PXDNL: variants seen among roughly 807,000 people sequenced by gnomAD.
PXDNL encodes probable oxidoreductase PXDNL.
PXDNL carries 145 observed loss-of-function variants against 150.8 expected under a neutral mutation model. That is an observed-to-expected ratio of 0.96 (90% CI 0.84 to 1.10). The LOEUF is 1.10. PXDNL is among the 50% of genes least tolerant of loss of function. The probability of loss-of-function intolerance (pLI) is 0.00; values close to 1 mark genes in which losing one functional copy is unlikely to be tolerated. For synonymous variants in PXDNL, 757 were observed against 725.7 expected, an observed-to-expected ratio of 1.04 and a Z score of -0.69; for missense variants, 2,087 against 1,873.9, an observed-to-expected ratio of 1.11 and a Z score of -2.10.
chr8:51,748,887 T>C (rs935130458), intron 1 of PXDNL, among the ~76,000 whole-genome samples: 9 of 152,124 alleles, frequency 5.9e-5, no homozygotes, highest in Non-Finnish European at 1.2e-4. Flanking sequence ...TTTTCAAAAT[T>C]AGGACACTAA....
At chr8:51,730,870 TACTC>T (rs530258993) in intron 1 of PXDNL, among the ~76,000 whole-genome samples, 3 of 152,096 alleles carry the variant, frequency 2.0e-5, no homozygotes, top group Admixed American at 6.5e-5. Flanking sequence ...TCATGAGACT[TACTC>T]ACTATCACAA....
chr8:51,772,443 C>G (rs1310224754), intron 1 of PXDNL, among the ~76,000 whole-genome samples: 1 of 152,048 alleles, frequency 6.6e-6, no homozygotes, highest in Non-Finnish European at 1.5e-5. Flanking sequence ...GGTGGGAGAG[C>G]CTGGAGCCAG....
chr8:51,709,363 TC>T (rs1339998253), intron 1 of PXDNL, among the ~76,000 whole-genome samples: 1 of 151,918 alleles, frequency 6.6e-6, no homozygotes, highest in East Asian at 1.9e-4. Flanking sequence ...CACGCCATTC[TC>T]CCGCCTCAGC....
At chr8:51,325,689 C>T (rs973536124) in intron 21 of PXDNL, among the ~76,000 whole-genome samples, 2 of 152,160 alleles carry the variant, frequency 1.3e-5, no homozygotes, top group African/African-American at 2.4e-5. Context: ...TGGGTTAGGA[C>T]GGAAGCCCAG....
intron 1 of PXDNL, among the ~76,000 whole-genome samples, chr8:51,685,836 A>G (rs914560781): frequency 1.3e-5 from 2 of 152,120 alleles, no homozygotes; most frequent in Non-Finnish European, 2.9e-5. Context: ...ATATTGGCAT[A>G]TTGTTATGTT....
At chr8:51,612,322 C>T (rs1239871865) in intron 2 of PXDNL, among the ~76,000 whole-genome samples, 5 of 152,188 alleles carry the variant, frequency 3.3e-5, no homozygotes, top group African/African-American at 7.2e-5. Flanking sequence ...AGGAGAAAGG[C>T]GAGTAAAATT....
chr8:51,434,015 T>C (rs981210002), intron 12 of PXDNL, among the ~76,000 whole-genome samples: 2 of 152,204 alleles, frequency 1.3e-5, no homozygotes, highest in African/African-American at 4.8e-5. Flanking sequence ...ATCTCAGCTC[T>C]TTTAAGATTT....
intron 4 of PXDNL, among the ~76,000 whole-genome samples, chr8:51,534,321 C>T (rs1239573965): frequency 2.0e-5 from 3 of 146,410 alleles, no homozygotes; most frequent in African/African-American, 5.3e-5. Context: ...GGAGCGTCTA[C>T]GCCCGGCAGC....
chr8:51,572,881 G>T (rs1472921857), intron 3 of PXDNL, among the ~76,000 whole-genome samples: 1 of 151,666 alleles, frequency 6.6e-6, no homozygotes, highest in East Asian at 1.9e-4. Context: ...TAGAAATCTT[G>T]GACATTACAT....
At chr8:51,611,695 G>T (rs1273237347) in intron 2 of PXDNL, among the ~76,000 whole-genome samples, 1 of 152,222 alleles carries the variant, frequency 6.6e-6, no homozygotes, top group Admixed American at 6.5e-5. Context: ...CTGGAGGAGG[G>T]GTGGGAATTG....
chr8:51,743,053 C>A (rs1189078297), intron 1 of PXDNL, among the ~76,000 whole-genome samples: 1 of 152,146 alleles, frequency 6.6e-6, no homozygotes, highest in East Asian at 1.9e-4. Context: ...TGCAGAAGGG[C>A]AAAGGGACAC....
chr8:51,369,800 G>T (rs1467835544), intron 19 of PXDNL, among the ~76,000 whole-genome samples: 3 of 152,208 alleles, frequency 2.0e-5, no homozygotes, highest in African/African-American at 7.2e-5. Context: ...TAAGAACGCT[G>T]CACAAACTCA....
At chr8:51,795,760 C>A (rs2037553823) in intron 1 of PXDNL, among the ~76,000 whole-genome samples, 3 of 152,212 alleles carry the variant, frequency 2.0e-5, no homozygotes, top group Non-Finnish European at 4.4e-5. Context: ...CACAGATACT[C>A]TGCTTTGCCA....
chr8:51,426,817 C>A lies in PXDNL; in HGVS notation c.1526-59G>T, dbSNP rs80165530. 5,998 of 981,596 alleles carry A rather than the reference C, an allele frequency of 6.1e-3. 227 individuals are homozygous for A. In the African/African-American group the frequency reaches 0.083, roughly 14 times the overall value. The allele number at this position is 981,596 out of a possible 1,614,324, so 60.8% of individuals were successfully genotyped here. ...ATAATATCATTTTTGTCAACATATG[C>A]CAGCTGAGTCAAAGGTATGAACCTG... On this transcript the variant is annotated intron_variant, in intron 12 of 22. Transcript: ENST00000356297.
intron 4 of PXDNL, among the ~76,000 whole-genome samples, chr8:51,514,444 G>A (rs1288106334): frequency 1.3e-5 from 2 of 152,114 alleles, no homozygotes; most frequent in Admixed American, 1.3e-4. Context: ...CTTTCCAAAT[G>A]CAACATTTAA....
intron 5 of PXDNL, among the ~76,000 whole-genome samples, chr8:51,485,675 C>G (rs1469589525): frequency 6.6e-6 from 1 of 152,202 alleles, no homozygotes; most frequent in African/African-American, 2.4e-5. Flanking sequence ...CCTGGGCTAT[C>G]AACTCCCACT....
At chr8:51,682,821 A>G (rs965073479) in intron 1 of PXDNL, among the ~76,000 whole-genome samples, 5 of 151,986 alleles carry the variant, frequency 3.3e-5, no homozygotes, top group African/African-American at 1.2e-4. Context: ...GCATTTCCCG[A>G]AGGGCTTGTT....
At position 51,567,261 on chromosome 8, in the gene PXDNL, G is replaced by A. The variant is rs190734959; in HGVS notation, c.309-10350C>T. Among the ~76,000 whole-genome samples, 4 of 151,820 alleles carry A rather than the reference G, an allele frequency of 2.6e-5. No homozygotes were observed. The East Asian group carries it at 7.8e-4, about 30-fold the overall frequency. ...GACTGTGTATTTCTGTTGTCACTGGGTGGAGTATTTTACAAATTTCAATTA... is the reference window on the plus strand; with the variant it reads ...GACTGTGTATTTCTGTTGTCACTGGATGGAGTATTTTACAAATTTCAATTA... On this transcript the variant is annotated intron_variant, in intron 3 of 22. Transcript: ENST00000356297.
At chr8:51,390,676 C>T (rs1329963970) in intron 17 of PXDNL, among the ~76,000 whole-genome samples, 2 of 151,836 alleles carry the variant, frequency 1.3e-5, no homozygotes, top group Non-Finnish European at 2.9e-5. Context: ...CTCTGAGGAT[C>T]GCTATTTGTT....
Sources: gnomAD v4.1 joint callset for allele counts (sites outside exome capture counted in the v4.1 genomes callset) on GRCh38, gnomAD v4.1.1 for gene constraint, MANE v1.5 for transcripts, NCBI Gene and HGNC (gene_info 2026-07-23, HGNC 2026-07-21) for gene names.